KLHL5: variants seen among roughly 807,000 people sequenced by gnomAD.
The protein encoded by KLHL5 is kelch like family member 5.
Under a neutral mutation model 77.7 loss-of-function variants are expected in KLHL5, and 48 were observed. The ratio of observed to expected loss-of-function variants is 0.62; its 90% CI spans 0.49 to 0.79. KLHL5 has a LOEUF of 0.79. KLHL5 is among the 30% of genes least tolerant of loss of function. The pLI is 0.00. For missense variants in KLHL5, 723 were observed against 859.7 expected, an observed-to-expected ratio of 0.84 and a Z score of 1.99; for synonymous variants, 260 against 297.0, an observed-to-expected ratio of 0.88 and a Z score of 1.28.
Position 39,103,334 on chromosome 4 carries a change from C to T in KLHL5, c.1348C>T (p.Pro450Ser). The change falls in exon 7 of 11, where the codon CCA (proline) becomes TCA (serine). Residue 450 changes from proline to serine, a missense_variant. Physicochemically the swap from Pro to Ser is moderately conservative, Grantham distance 74. This residue lies in a region of KLHL5 where 288 missense variants were observed against 400.3 expected (regional missense o/e 0.72). Transcript: ENST00000504108. ...KYDLRTNMWT[P>S]VANMNGRRLQ... Reference sequence around the variant, plus strand: ...TGATCTCCGTACAAATATGTGGACTCCAGTAGCAAATATGAATGGGAGGAG... The same window carrying T: ...TGATCTCCGTACAAATATGTGGACTTCAGTAGCAAATATGAATGGGAGGAG... The T allele has an allele frequency of 6.2e-7, 1 of 1,613,984 alleles. No homozygotes were observed. The highest frequency in any genetic ancestry group is 8.5e-7 in the Non-Finnish European group (1 of 1,179,994).
the KLHL5 span, among the ~76,000 whole-genome samples, chr4:39,132,452 TA>T: frequency 2.0e-5 from 3 of 151,514 alleles, no homozygotes; most frequent in Non-Finnish European, 4.4e-5. Flanking sequence ...CTACTAAAAA[TA>T]AAAAAAGTGG....
chr4:39,112,047 G>A (rs772539366), intron 8 of KLHL5, among the ~76,000 whole-genome samples: 1 of 152,010 alleles, frequency 6.6e-6, no homozygotes, highest in African/African-American at 2.4e-5. Context: ...GAGCAACAAC[G>A]TAAATTTACT....
Position 39,113,019 on chromosome 4 carries a change from G to T in KLHL5, c.1689-1G>T. ...TATCATTTCATATATTCTTTTTGCA[G>T]ACTTTATGCAGTTGGTGGTCGTGAT... On this transcript the variant is annotated splice_acceptor_variant, in intron 8 of 10. Coordinates refer to ENST00000504108, the MANE Select transcript of KLHL5 (RefSeq NM_015990.5). LOFTEE classifies it high-confidence loss of function. The T allele has an allele frequency of 6.2e-7, 1 of 1,612,152 alleles. No homozygotes were observed. Among genetic ancestry groups the T allele is most frequent in the South Asian group, 1.1e-5 (1 of 90,936 alleles).
At chr4:39,141,478 A>T in the KLHL5 span, among the ~76,000 whole-genome samples, 3 of 151,538 alleles carry the variant, frequency 2.0e-5, no homozygotes, top group East Asian at 2.0e-4. Context: ...CAGGCTAATA[A>T]TTTTTTGTAT....
the KLHL5 span, among the ~76,000 whole-genome samples, chr4:39,141,600 C>A: frequency 2.0e-5 from 3 of 152,102 alleles, no homozygotes; most frequent in East Asian, 5.8e-4. Context: ...CATGAGCCAC[C>A]GAGCCCGGCC....
chr4:39,119,463 G>A (rs1435560492), intron 10 of KLHL5, among the ~76,000 whole-genome samples: 1 of 152,120 alleles, frequency 6.6e-6, no homozygotes, highest in Non-Finnish European at 1.5e-5. Context: ...GTGTGTGCCA[G>A]TAGTCCCAGC....
At chr4:39,131,887 CAAA>C in the KLHL5 span, among the ~76,000 whole-genome samples, 30 of 114,504 alleles carry the variant, frequency 2.6e-4, no homozygotes, top group Admixed American at 4.4e-4. Context: ...GACCCTGTCT[CAAA>C]AAAAAAAAAA....
chr4:39,115,738 TG>T, intron 10 of KLHL5: 1 of 1,126,942 alleles, frequency 8.9e-7, no homozygotes, highest in Non-Finnish European at 1.1e-6. Flanking sequence ...CATTGATATC[TG>T]GGAGCAGATT....
downstream of KLHL5, among the ~76,000 whole-genome samples, chr4:39,130,141 G>T (rs1278304076): frequency 6.6e-6 from 1 of 152,112 alleles, no homozygotes; most frequent in Non-Finnish European, 1.5e-5. Context: ...GAAATCAGGG[G>T]TCTCACAGCC....
At chr4:39,099,652 T>C (rs1383821163) in intron 6 of KLHL5, among the ~76,000 whole-genome samples, 1 of 152,194 alleles carries the variant, frequency 6.6e-6, no homozygotes, top group Non-Finnish European at 1.5e-5. Flanking sequence ...GCAGAAATTA[T>C]TCACTCAAAT....
chr4:39,108,988 T>C (rs1722247447), intron 8 of KLHL5, among the ~76,000 whole-genome samples: 1 of 152,210 alleles, frequency 6.6e-6, no homozygotes, highest in East Asian at 1.9e-4. Context: ...ATGAGAAATA[T>C]TTCAATCCTT....
At chr4:39,127,892 G>C (rs1026246631), downstream of KLHL5, among the ~76,000 whole-genome samples, 1 of 152,176 alleles carries the variant, frequency 6.6e-6, no homozygotes, top group Non-Finnish European at 1.5e-5. Context: ...GAGAACCTCA[G>C]AGAAGAAAAA....
rs778776619 is a variant in KLHL5 at position 39,115,970 on chromosome 4, G to T, written c.2073+640G>T. On this transcript the variant is annotated intron_variant, in intron 10 of 10. Transcript: ENST00000504108. ...CCAGTTCAGTACTTGGTACATAAAA[G>T]ACAATAAATGTTTAACTGAGCCAAG... The T allele has an allele frequency of 1.4e-4, 135 of 985,582 alleles. 1 individual carries two copies. The highest frequency in any genetic ancestry group is 5.2e-4 in the Middle Eastern group (1 of 1,938). 61.1% of individuals were successfully genotyped at this position (985,582 alleles called of 1,614,324 possible).
At chr4:39,051,767 AC>A (rs1716669509) in intron 1 of KLHL5, among the ~76,000 whole-genome samples, 1 of 152,134 alleles carries the variant, frequency 6.6e-6, no homozygotes, top group Non-Finnish European at 1.5e-5. Context: ...CTCTTACACA[AC>A]TCCATAGACT....
At chr4:39,088,209 A>G (rs1295887512) in intron 5 of KLHL5, among the ~76,000 whole-genome samples, 2 of 152,214 alleles carry the variant, frequency 1.3e-5, no homozygotes, top group Non-Finnish European at 2.9e-5. Flanking sequence ...GTAGTTTCAG[A>G]TATTTATGAT....
At chr4:39,126,834 T>G (rs139579409), downstream of KLHL5, 140 of 419,318 alleles carry the variant, frequency 3.3e-4, no homozygotes, top group African/African-American at 2.2e-3. Flanking sequence ...TGTACTAGGC[T>G]TCTTTACCAA....
At chr4:39,107,771 C>A (rs1018124494) in intron 8 of KLHL5, 40 bp downstream of exon 8, 7 of 1,475,830 alleles carry the variant, frequency 4.7e-6, no homozygotes, top group Admixed American at 1.8e-5. Context: ...ATGCAATACA[C>A]CAAATTTATT....
the KLHL5 span, among the ~76,000 whole-genome samples, chr4:39,141,204 A>G: frequency 6.6e-6 from 1 of 151,098 alleles, no homozygotes; most frequent in African/African-American, 2.4e-5. Context: ...TGAATACTCT[A>G]TTTCCCAAAC....
At chr4:39,137,112 C>T in the KLHL5 span, among the ~76,000 whole-genome samples, 4 of 151,988 alleles carry the variant, frequency 2.6e-5, no homozygotes, top group Admixed American at 6.6e-5. Flanking sequence ...AATTGGAATT[C>T]GGCATATTGT....
Sources: gnomAD v4.1 joint callset for allele counts (sites outside exome capture counted in the v4.1 genomes callset) on GRCh38, gnomAD v4.1.1 for gene constraint, gnomAD v4.1.1 regional missense constraint, MANE v1.5 for transcripts, NCBI Gene and HGNC (gene_info 2026-07-23, HGNC 2026-07-21) for gene names.